The following SIDT2 variants were observed in gnomAD, a reference collection of about 807,000 sequenced individuals.
SIDT2 encodes the protein SID1 transmembrane family member 2, also known as SID1 transmembrane family, member 2.
Under a neutral mutation model 114.4 loss-of-function variants are expected in SIDT2, and 68 were observed. The ratio of observed to expected loss-of-function variants is 0.59; its 90% CI spans 0.49 to 0.73. The LOEUF (loss-of-function observed/expected upper bound fraction) is 0.73, where lower values mean the gene tolerates loss of function less well. Ranked by LOEUF, SIDT2 falls within the 30% of genes least tolerant of loss-of-function variation. SIDT2 has a pLI of 0.00. For synonymous variants in SIDT2, 470 were observed against 438.4 expected, an observed-to-expected ratio of 1.07 and a Z score of -0.90; for missense variants, 918 against 1,097.1, an observed-to-expected ratio of 0.84 and a Z score of 2.31.
chr11:117,189,622 C>T (rs1452296379), intron 15 of SIDT2: 4 of 609,678 alleles, frequency 6.6e-6, no homozygotes, highest in Non-Finnish European at 1.2e-5. Flanking sequence ...CTAAAGATAG[C>T]CCCTCCCTGG....
At chr11:117,195,744 C>A in intron 24 of SIDT2, 58 bp from the exon 25 acceptor site, 1 of 1,584,168 alleles carries the variant, frequency 6.3e-7, no homozygotes, top group South Asian at 1.1e-5. Flanking sequence ...GCAGATGGGT[C>A]TGGCCCTTGC....
rs1311334746 is a variant in SIDT2, at chr11:117,179,195, C to G, written c.-69C>G. On this transcript the variant is annotated 5_prime_UTR_variant, in exon 1 of 26. Transcript: ENST00000324225. ...CTGCGGCCGCAGCCGCAACCCGTCCCGGAGGTGTCCTGTCTCCTGTCGCCG... is the reference window on the plus strand; with the variant it reads ...CTGCGGCCGCAGCCGCAACCCGTCCGGGAGGTGTCCTGTCTCCTGTCGCCG... 6.7e-7 allele frequency: 1 copy of G among 1,494,428 alleles called. No homozygotes were observed. Among genetic ancestry groups the G allele is most frequent in the Non-Finnish European group, 9.1e-7 (1 of 1,102,190 alleles). 92.6% of individuals were successfully genotyped at this position (1,494,428 alleles called of 1,614,324 possible). A position where few individuals can be genotyped will look rare whatever the true frequency, so the allele number is the denominator to read the frequency against.
chr11:117,183,016 C>T (rs1333342283), intron 6 of SIDT2, among the ~76,000 whole-genome samples: 1 of 152,128 alleles, frequency 6.6e-6, no homozygotes. Flanking sequence ...AGTAGAGTAC[C>T]CCCTTCTGGC....
At chr11:117,189,478 C>A (rs2030622297) in intron 15 of SIDT2, 77 bp downstream of exon 15, 2 of 1,472,602 alleles carry the variant, frequency 1.4e-6, no homozygotes, top group Non-Finnish European at 1.9e-6. Flanking sequence ...CAGCCTGGGG[C>A]CCTGGTGTTC....
Position 117,193,879 on chromosome 11 carries a change from C to T in SIDT2, c.2238C>T (p.Leu746=). The change falls in exon 24 of 26, where the codon CTC becomes CTT. Residue 746 remains leucine (L), a synonymous_variant. Transcript: ENST00000324225. The part of the protein sequence containing the change: ...MKLRSGERIK[L]IPLLCIVCTS... ...TCCGGAGTGGGGAGAGGATCAAGCT[C>T]ATCCCCCTGCTCTGCATCGTTTGCA... 2 of 1,614,078 alleles carry T rather than the reference C, an allele frequency of 1.2e-6. No homozygotes were observed. The highest frequency in any genetic ancestry group is 1.7e-6 in the Non-Finnish European group (2 of 1,179,992).
At chr11:117,185,515 A>G (rs990090546) in intron 8 of SIDT2, among the ~76,000 whole-genome samples, 3 of 152,192 alleles carry the variant, frequency 2.0e-5, no homozygotes, top group African/African-American at 7.2e-5. Context: ...CACTGTGGAA[A>G]TACAGGACAG....
At position 117,186,238 on chromosome 11, in the gene SIDT2, C is replaced by T. The variant is rs2030491060; in HGVS notation, c.962+15C>T. ...GAGAACTGGAGGTAAAGTGGAACTG[C>T]TGGGCCTCCCCTGGTCTGGGTGGTT... On this transcript the variant is annotated intron_variant, in intron 9 of 25. Coordinates refer to ENST00000324225, the MANE Select transcript of SIDT2 (RefSeq NM_001040455.2). The T allele has an allele frequency of 1.2e-6, 2 of 1,612,112 alleles. No homozygotes were observed. Among genetic ancestry groups the T allele is most frequent in the Non-Finnish European group, 1.7e-6 (2 of 1,178,238 alleles).
In SIDT2 at chr11:117,188,552, C is replaced by A; in HGVS notation, c.1160-156C>A. On this transcript the variant is annotated intron_variant, in intron 12 of 25. Coordinates refer to ENST00000324225, the MANE Select transcript of SIDT2 (RefSeq NM_001040455.2). This position sits in a 1 kb window ranked among gnomAD's most constrained non-coding sequence, Gnocchi z 4.0. ...CTTAGGAGCACCTGATGTCTCCTCCCAGCTCCTGAGCCCACTTCCACCCCA... is the reference window on the plus strand; with the variant it reads ...CTTAGGAGCACCTGATGTCTCCTCCAAGCTCCTGAGCCCACTTCCACCCCA... 1.6e-6 allele frequency: 1 copy of A among 634,814 alleles called. No individual in the cohort carries two copies. Among genetic ancestry groups the A allele is most frequent in the Non-Finnish European group, 2.9e-6 (1 of 347,290 alleles). The allele number at this position is 634,814 out of a possible 1,614,324, so 39.3% of individuals were successfully genotyped here. A position where few individuals can be genotyped will look rare whatever the true frequency, so the allele number is the denominator to read the frequency against.
intron 24 of SIDT2, 167 bp downstream of exon 24, chr11:117,194,130 G>A (rs1037646514): frequency 1.7e-5 from 9 of 544,562 alleles, no homozygotes; most frequent in South Asian, 5.2e-5. Flanking sequence ...GTAAGAACCC[G>A]TCTCTACAAA....
intron 1 of SIDT2, among the ~76,000 whole-genome samples, chr11:117,180,533 T>C (rs1325678636): frequency 1.2e-4 from 4 of 33,940 alleles, no homozygotes; most frequent in Non-Finnish European, 1.7e-4. Context: ...CACTTTATCT[T>C]TTTTTTTTTT....
rs752598485 is a variant in SIDT2 at position 117,196,116 on chromosome 11, G to T, written c.*50G>T. 1.2e-6 allele frequency: 2 copies of T among 1,611,750 alleles called. No individual in the cohort carries two copies. The highest frequency in any genetic ancestry group is 2.2e-5 in the East Asian group (1 of 44,878). On this transcript the variant is annotated 3_prime_UTR_variant, in exon 26 of 26. Transcript: ENST00000324225. The surrounding 1 kb of genome is among the most constrained non-coding windows in gnomAD (Gnocchi z 4.9). ...CTCAAGGGGCCCTGAGCTCCTTTGT[G>T]TCATAGACCGGTCACTCTGTCGTGC... is the stretch of plus-strand genomic sequence containing the variant.
intron 5 of SIDT2, 21 bp downstream of exon 5, chr11:117,182,641 C>T: frequency 6.2e-7 from 1 of 1,614,136 alleles, no homozygotes; most frequent in Non-Finnish European, 8.5e-7. Context: ...TGCCCTTTTG[C>T]TCTTCCCCAG....
At chr11:117,193,296 C>T (rs1248236630) in intron 23 of SIDT2, 38 bp downstream of exon 23, 1 of 1,542,678 alleles carries the variant, frequency 6.5e-7, no homozygotes, top group Non-Finnish European at 8.9e-7. Flanking sequence ...GTCAGCTGCT[C>T]TGCTATCTGG....
intron 8 of SIDT2, among the ~76,000 whole-genome samples, chr11:117,185,764 G>A (rs2030467906): frequency 6.6e-6 from 1 of 151,624 alleles, no homozygotes; most frequent in African/African-American, 2.4e-5. Flanking sequence ...TGTAGTCCCA[G>A]CTACTCAGGA....
Position 117,188,773 on chromosome 11 carries a change from G to A in SIDT2, c.1225G>A (p.Asp409Asn). ...CTCCATGAGCTCTGTGGAGGAGGAT[G>A]ACTACGACACATTGACCGACATCGA... The part of the protein sequence containing the change: ...VDSMSSVEED[D>N]YDTLTDIDSD... The change falls in exon 13 of 26, where the codon GAC (aspartate) becomes AAC (asparagine). Residue 409 changes from aspartate to asparagine, a missense_variant. Asp to Asn is a conservative substitution (Grantham distance 23). Transcript: ENST00000324225. The surrounding 1 kb of genome is among the most constrained non-coding windows in gnomAD (Gnocchi z 4.0). 1 of 1,614,190 alleles carries A rather than the reference G, an allele frequency of 6.2e-7. No individual in the cohort carries two copies. The highest frequency in any genetic ancestry group is 8.5e-7 in the Non-Finnish European group (1 of 1,180,028).
Position 117,189,875 on chromosome 11 carries a change from A to G in SIDT2, c.1420-77A>G. On this transcript the variant is annotated intron_variant, in intron 15 of 25. Transcript: ENST00000324225. Reference sequence around the variant, plus strand: ...TGGTGGCACTTGCTGTTTTTTGCCAAAGGGGCCCGGATGGCGGGGCGTGGG... The same window carrying G: ...TGGTGGCACTTGCTGTTTTTTGCCAGAGGGGCCCGGATGGCGGGGCGTGGG... The G allele has an allele frequency of 4.8e-6, 7 of 1,471,446 alleles. No homozygotes were observed. The Admixed American group carries it at 1.2e-4, about 25-fold the overall frequency. 91.1% of individuals were successfully genotyped at this position (1,471,446 alleles called of 1,614,324 possible).
At chr11:117,194,198 C>T (rs1428140057) in intron 24 of SIDT2, 1 of 406,534 alleles carries the variant, frequency 2.5e-6, no homozygotes, top group Admixed American at 4.0e-5. Context: ...ACCAGTAGTC[C>T]TAGCTACCTC....
At chr11:117,189,910 G>A in intron 15 of SIDT2, 42 bp from the exon 16 acceptor site, 1 of 1,601,234 alleles carries the variant, frequency 6.2e-7, no homozygotes, top group Non-Finnish European at 8.6e-7. Context: ...GCTGAGTTGG[G>A]CGTGACGACA....
In SIDT2 at chr11:117,187,449, G is replaced by T; in HGVS notation, c.1087G>T (p.Glu363Ter). 6.2e-7 allele frequency: 1 copy of T among 1,613,932 alleles called. No individual in the cohort carries two copies. The highest frequency in any genetic ancestry group is 8.5e-7 in the Non-Finnish European group (1 of 1,179,912). ...TGAGGGTTACAACTATGGCTCCTTTGGTACGTGTCAAAGCCAGCACCGTGC... is the reference window on the plus strand; with the variant it reads ...TGAGGGTTACAACTATGGCTCCTTTTGTACGTGTCAAAGCCAGCACCGTGC... ...PYEGYNYGSF[E>*]NVSGSTDGLV... The change falls in exon 11 of 26, where the codon GAG (glutamate) becomes TAG (stop). Residue 363 changes from glutamate (E) to a stop codon, truncating the protein, a stop_gained and splice_region_variant. Coordinates refer to ENST00000324225, the MANE Select transcript of SIDT2 (RefSeq NM_001040455.2). LOFTEE classifies it high-confidence loss of function.
Sources: allele counts gnomAD v4.1 joint callset (sites outside exome capture counted in the v4.1 genomes callset), GRCh38; gene constraint gnomAD v4.1.1; non-coding constraint Gnocchi (gnomAD v3.1); transcripts MANE v1.5; gene names NCBI Gene and HGNC (gene_info 2026-07-23, HGNC 2026-07-21).